LRRC4C: variants seen among roughly 807,000 people sequenced by gnomAD.
The protein encoded by LRRC4C is leucine-rich repeat-containing protein 4C.
A neutral mutation model predicts 33.6 loss-of-function variants in LRRC4C; 5 were observed. The ratio of observed to expected loss-of-function variants is 0.15; its 90% confidence interval spans 0.08 to 0.31. LRRC4C has a LOEUF of 0.31. Ranked by LOEUF, LRRC4C falls within the 10% of genes least tolerant of loss-of-function variation. The pLI, the probability that LRRC4C is intolerant of heterozygous loss-of-function variation, is 1.00. For synonymous variants in LRRC4C, 329 were observed against 302.0 expected, an observed-to-expected ratio of 1.09 and a Z score of -0.93; for missense variants, 560 against 796.7, an observed-to-expected ratio of 0.70 and a Z score of 3.58.
intron 1 of LRRC4C, among the ~76,000 whole-genome samples, chr11:41,228,068 C>A (rs1466644341): frequency 2.6e-5 from 4 of 152,098 alleles, no homozygotes; most frequent in African/African-American, 7.2e-5. Flanking sequence ...AAATACCTTG[C>A]CTGAAACTAC....
chr11:41,233,635 A>G (rs900959530), intron 1 of LRRC4C, among the ~76,000 whole-genome samples: 3 of 152,014 alleles, frequency 2.0e-5, no homozygotes, highest in Admixed American at 2.0e-4. Context: ...ATATATCAGT[A>G]ATTTAAATTT....
At chr11:41,171,613 AG>A (rs955370867) in intron 1 of LRRC4C, among the ~76,000 whole-genome samples, 6 of 125,438 alleles carry the variant, frequency 4.8e-5, no homozygotes, top group African/African-American at 1.8e-4. Context: ...GGGTGGCGGG[AG>A]GGGGGAGGGA....
chr11:40,689,234 G>T (rs932848405), intron 2 of LRRC4C, among the ~76,000 whole-genome samples: 1 of 151,910 alleles, frequency 6.6e-6, no homozygotes, highest in African/African-American at 2.4e-5. Context: ...TCTGTACTAC[G>T]AATGTTCACA....
intron 1 of LRRC4C, among the ~76,000 whole-genome samples, chr11:41,427,500 T>C (rs1386742510): frequency 6.6e-6 from 1 of 152,128 alleles, no homozygotes; most frequent in Non-Finnish European, 1.5e-5. Context: ...TTTCTAATGT[T>C]GATTAGAAAG....
intron 3 of LRRC4C, among the ~76,000 whole-genome samples, chr11:40,346,171 C>T (rs537463314): frequency 2.0e-5 from 3 of 152,244 alleles, no homozygotes; most frequent in Admixed American, 6.5e-5. Flanking sequence ...GACAGAAATA[C>T]CATTTCACCC....
intron 1 of LRRC4C, among the ~76,000 whole-genome samples, chr11:40,950,678 T>C (rs972980281): frequency 6.6e-6 from 1 of 152,034 alleles, no homozygotes; most frequent in African/African-American, 2.4e-5. Context: ...TACAAAAATG[T>C]ATAAATAACA....
chr11:41,341,980 G>A (rs376526342), intron 1 of LRRC4C, among the ~76,000 whole-genome samples: 15 of 151,310 alleles, frequency 9.9e-5, no homozygotes, highest in African/African-American at 3.4e-4. Context: ...ATAATATCTG[G>A]GACATAGAGA....
intron 1 of LRRC4C, among the ~76,000 whole-genome samples, chr11:41,265,949 G>A (rs895918092): frequency 2.0e-5 from 3 of 151,826 alleles, no homozygotes; most frequent in Admixed American, 6.6e-5. Context: ...TGGTGGATGA[G>A]ATACAACACT....
chr11:40,876,576 A>G (rs1954902648), intron 2 of LRRC4C, among the ~76,000 whole-genome samples: 7 of 151,966 alleles, frequency 4.6e-5, no homozygotes, highest in Admixed American at 4.6e-4. Context: ...ATCCTGTGTC[A>G]CTGAAATGTG....
At chr11:40,772,216 C>T (rs1330175699) in intron 2 of LRRC4C, among the ~76,000 whole-genome samples, 3 of 152,192 alleles carry the variant, frequency 2.0e-5, no homozygotes, top group Admixed American at 1.3e-4. Flanking sequence ...ATCCTTTTCA[C>T]ATGGTGGGAG....
intron 4 of LRRC4C, among the ~76,000 whole-genome samples, chr11:40,268,869 G>A (rs1220876603): frequency 1.3e-5 from 2 of 152,096 alleles, no homozygotes; most frequent in African/African-American, 2.4e-5. Context: ...GAGATCCTAT[G>A]CATAGCCAGG....
At chr11:40,514,110 C>A (rs1955456242) in intron 3 of LRRC4C, among the ~76,000 whole-genome samples, 1 of 152,134 alleles carries the variant, frequency 6.6e-6, no homozygotes, top group Non-Finnish European at 1.5e-5. Context: ...CCTATTCCAG[C>A]AAAACTATGT....
intron 4 of LRRC4C, among the ~76,000 whole-genome samples, chr11:40,272,117 G>T (rs1460129570): frequency 6.6e-6 from 1 of 152,108 alleles, no homozygotes; most frequent in African/African-American, 2.4e-5. Flanking sequence ...AAAGCTGAGA[G>T]GTTTTCATTG....
At chr11:40,545,390 T>C (rs956112836) in intron 3 of LRRC4C, among the ~76,000 whole-genome samples, 1 of 152,042 alleles carries the variant, frequency 6.6e-6, no homozygotes, top group Non-Finnish European at 1.5e-5. Flanking sequence ...TTTGTAATTT[T>C]ATGAAAGAGT....
chr11:40,816,322 T>C (rs986791558), intron 2 of LRRC4C, among the ~76,000 whole-genome samples: 3 of 152,184 alleles, frequency 2.0e-5, no homozygotes, highest in South Asian at 2.1e-4. Context: ...TCACTCTCCA[T>C]TGAGATCAGA....
At chr11:40,173,532 G>C (rs1860218005) in intron 5 of LRRC4C, among the ~76,000 whole-genome samples, 2 of 152,112 alleles carry the variant, frequency 1.3e-5, no homozygotes, top group Admixed American at 6.6e-5. Context: ...TTGTTTTGTT[G>C]GTTTACTTCA....
intron 1 of LRRC4C, among the ~76,000 whole-genome samples, chr11:41,155,450 G>A (rs1272978640): frequency 2.0e-5 from 3 of 152,134 alleles, no homozygotes; most frequent in Non-Finnish European, 4.4e-5. Flanking sequence ...TGTTGAAGGA[G>A]GCTGATGAAG....
chr11:40,737,322 C>T (rs895763393), intron 2 of LRRC4C, among the ~76,000 whole-genome samples: 4 of 152,122 alleles, frequency 2.6e-5, no homozygotes, highest in African/African-American at 9.7e-5. Context: ...GACAAGGATG[C>T]CCTCTCTCAC....
chr11:40,983,768 A>G (rs1008712073), intron 1 of LRRC4C, among the ~76,000 whole-genome samples: 16 of 152,194 alleles, frequency 1.1e-4, no homozygotes, highest in African/African-American at 3.6e-4. Context: ...ATCATTAGAG[A>G]AATGCAAATC....
Sources: allele counts gnomAD v4.1 joint callset (sites outside exome capture counted in the v4.1 genomes callset), GRCh38; gene constraint gnomAD v4.1.1; transcripts MANE v1.5; gene names NCBI Gene and HGNC (gene_info 2026-07-23, HGNC 2026-07-21).